The following PPM1L variants were observed in gnomAD, a reference collection of about 807,000 sequenced individuals.
PPM1L encodes protein phosphatase 1L.
PPM1L carries 13 observed loss-of-function variants against 31.4 expected under a neutral mutation model. That is an observed-to-expected ratio of 0.41 (90% CI 0.27 to 0.66). The LOEUF (loss-of-function observed/expected upper bound fraction) is 0.66, where lower values mean the gene tolerates loss of function less well. Ranked by LOEUF, PPM1L falls within the 30% of genes least tolerant of loss-of-function variation. The probability of loss-of-function intolerance (pLI) is 0.29; values close to 1 mark genes in which losing one functional copy is unlikely to be tolerated. For synonymous variants in PPM1L, 184 were observed against 175.4 expected (o/e 1.05, Z -0.39); for missense variants, 326 against 453.7 (o/e 0.72, Z 2.56).
rs967072329 is a variant in PPM1L, at chr3:160,861,832, T to C, written c.400-99904T>C. Among the ~76,000 whole-genome samples the C allele has an allele frequency of 7.9e-5, 12 of 152,322 alleles. 1 individual carries two copies. Among genetic ancestry groups the C allele is most frequent in the Middle Eastern group, 6.8e-3 (2 of 294 alleles). ...CTCGTGTTTTCCAGCTTCTAGAGAC[T>C]GGCCAGTCTTTGGTGGTGTAGCCAC... is the stretch of plus-strand genomic sequence containing the variant. On this transcript the variant is annotated intron_variant, in intron 1 of 3. Coordinates refer to ENST00000498165, the MANE Select transcript of PPM1L (RefSeq NM_139245.4).
intron 1 of PPM1L, among the ~76,000 whole-genome samples, chr3:160,766,670 A>G (rs1054377888): frequency 6.6e-6 from 1 of 151,526 alleles, no homozygotes; most frequent in African/African-American, 2.4e-5. Context: ...GTTAAAATGG[A>G]CTAATACAAT....
intron 2 of PPM1L, among the ~76,000 whole-genome samples, chr3:160,982,918 T>A (rs891365455): frequency 2.0e-5 from 3 of 152,228 alleles, no homozygotes; most frequent in Non-Finnish European, 4.4e-5. Context: ...GTGGCTAGAT[T>A]TTTTAAAAAT....
At chr3:160,811,056 A>G (rs1354454853) in intron 1 of PPM1L, among the ~76,000 whole-genome samples, 4 of 152,232 alleles carry the variant, frequency 2.6e-5, no homozygotes, top group Admixed American at 6.5e-5. Context: ...GTCAATTCTA[A>G]TTACACTGAA....
At chr3:160,940,679 T>C (rs1399819525) in intron 1 of PPM1L, among the ~76,000 whole-genome samples, 3 of 152,188 alleles carry the variant, frequency 2.0e-5, no homozygotes, top group South Asian at 2.1e-4. Context: ...TTTCAGAAGA[T>C]GTATGAAACT....
intron 1 of PPM1L, among the ~76,000 whole-genome samples, chr3:160,778,861 A>G (rs1179240507): frequency 6.6e-6 from 1 of 152,212 alleles, no homozygotes; most frequent in Non-Finnish European, 1.5e-5. Context: ...CTTTGAGCCC[A>G]GAAGCTCTCT....
chr3:160,965,848 G>A (rs989807736), intron 2 of PPM1L, among the ~76,000 whole-genome samples: 1 of 151,988 alleles, frequency 6.6e-6, no homozygotes, highest in African/African-American at 2.4e-5. Flanking sequence ...CTCCTTCACT[G>A]ATAAATCAGC....
intron 1 of PPM1L, among the ~76,000 whole-genome samples, chr3:160,799,968 C>T (rs1449271604): frequency 6.6e-6 from 1 of 152,066 alleles, no homozygotes; most frequent in African/African-American, 2.4e-5. Context: ...TTGTTAATTG[C>T]TGTACCCTCA....
intron 2 of PPM1L, among the ~76,000 whole-genome samples, chr3:161,016,841 G>C (rs1332271072): frequency 1.3e-5 from 2 of 152,166 alleles, no homozygotes; most frequent in East Asian, 1.9e-4. Context: ...CTTTCTGAGA[G>C]ATTAACCAGT....
rs1388581400 is a variant in PPM1L, at chr3:160,973,890, C to CT, written c.574+11983dup. On this transcript the variant is annotated intron_variant, in intron 2 of 3. Coordinates refer to ENST00000498165, the MANE Select transcript of PPM1L (RefSeq NM_139245.4). The stretch of plus-strand genomic sequence containing the variant: ...ATTTATTTATGTATTTTTTATTATA[C>CT]TTTAAGTTTTAGGGTACATGTGCAC... Among the ~76,000 whole-genome samples, 3 of 142,498 alleles carry CT rather than the reference C, an allele frequency of 2.1e-5. No individual in the cohort carries two copies. In the East Asian group the frequency reaches 6.3e-4, roughly 30 times the overall value. 93.5% of individuals were successfully genotyped at this position (142,498 alleles called of 152,430 possible).
intron 1 of PPM1L, among the ~76,000 whole-genome samples, chr3:160,795,302 C>T (rs555022192): frequency 6.6e-6 from 1 of 152,272 alleles, no homozygotes; most frequent in East Asian, 1.9e-4. Context: ...GGTCTTAACA[C>T]GGTTAGCATT....
intron 2 of PPM1L, among the ~76,000 whole-genome samples, chr3:160,968,614 A>G (rs1046428777): frequency 9.2e-5 from 14 of 152,214 alleles, no homozygotes; most frequent in African/African-American, 3.1e-4. Context: ...TATTCCCTAC[A>G]TATTCCTTTG....
At chr3:160,956,075 A>G in intron 1 of PPM1L, among the ~76,000 whole-genome samples, 1 of 152,172 alleles carries the variant, frequency 6.6e-6, no homozygotes, top group East Asian at 1.9e-4. Flanking sequence ...ATAATAGTAA[A>G]TAGTATTTTA....
intron 1 of PPM1L, among the ~76,000 whole-genome samples, chr3:160,841,336 A>ATT (rs561823872): frequency 6.9e-6 from 1 of 144,830 alleles, no homozygotes; most frequent in Non-Finnish European, 1.5e-5. Flanking sequence ...CTTTACAGGG[A>ATT]TTTTTTTTTT....
intron 1 of PPM1L, among the ~76,000 whole-genome samples, chr3:160,864,841 T>C (rs1712033231): frequency 6.6e-6 from 1 of 152,186 alleles, no homozygotes; most frequent in African/African-American, 2.4e-5. Context: ...GTTGTAGACA[T>C]TTCTGGGTGA....
At chr3:160,791,505 T>C (rs916255870) in intron 1 of PPM1L, among the ~76,000 whole-genome samples, 9 of 152,172 alleles carry the variant, frequency 5.9e-5, no homozygotes, top group African/African-American at 2.2e-4. Context: ...AAATCTACTT[T>C]CATTTTATCC....
intron 2 of PPM1L, among the ~76,000 whole-genome samples, chr3:160,990,295 C>A (rs1414312596): frequency 6.6e-6 from 1 of 152,090 alleles, no homozygotes; most frequent in African/African-American, 2.4e-5. Flanking sequence ...AGCCACCATG[C>A]CCAGCCAACA....
intron 2 of PPM1L, among the ~76,000 whole-genome samples, chr3:160,987,943 G>A (rs1030710388): frequency 2.0e-5 from 3 of 152,110 alleles, no homozygotes; most frequent in Admixed American, 6.6e-5. Flanking sequence ...TGGTCCTATC[G>A]GCTGTGGCAA....
chr3:161,033,246 AT>A (rs1443746748), intron 2 of PPM1L, among the ~76,000 whole-genome samples: 3 of 152,186 alleles, frequency 2.0e-5, no homozygotes, highest in Non-Finnish European at 2.9e-5. Context: ...GATCAATATC[AT>A]GAAAATGGCC....
chr3:160,988,960 C>A (rs1250236278), intron 2 of PPM1L, among the ~76,000 whole-genome samples: 1 of 152,128 alleles, frequency 6.6e-6, no homozygotes, highest in Non-Finnish European at 1.5e-5. Flanking sequence ...AGGCATCAAT[C>A]TTTTCATGCC....
Sources: allele counts gnomAD v4.1 joint callset (sites outside exome capture counted in the v4.1 genomes callset), GRCh38; gene constraint gnomAD v4.1.1; transcripts MANE v1.5; gene names NCBI Gene and HGNC (gene_info 2026-07-23, HGNC 2026-07-21).